GRID1: variants seen among roughly 807,000 people sequenced by gnomAD.
GRID1 encodes the protein glutamate receptor ionotropic, delta-1.
GRID1 carries 28 observed loss-of-function variants against 98.0 expected under a neutral mutation model. That is an observed-to-expected ratio of 0.29 (90% CI 0.21 to 0.39). The LOEUF is 0.39. Among genes scored for constraint, GRID1 ranks in the 10% least tolerant of loss-of-function variants. The pLI, the probability that GRID1 is intolerant of heterozygous loss-of-function variation, is 1.00. For missense variants in GRID1, 1,111 were observed against 1,340.5 expected, an observed-to-expected ratio of 0.83 and a Z score of 2.67; for synonymous variants, 553 against 538.5, an observed-to-expected ratio of 1.03 and a Z score of -0.37.
intron 2 of GRID1, among the ~76,000 whole-genome samples, chr10:86,360,168 A>AT (rs1373861830): frequency 4.6e-5 from 7 of 151,186 alleles, no homozygotes; most frequent in Non-Finnish European, 8.8e-5. Context: ...GTTCCCTTTT[A>AT]TAAAAAAAAA....
intron 8 of GRID1, among the ~76,000 whole-genome samples, chr10:85,846,038 G>A (rs1019761685): frequency 6.6e-6 from 1 of 152,070 alleles, no homozygotes; most frequent in African/African-American, 2.4e-5. Flanking sequence ...AGTGTTGTCT[G>A]TATGTACATG....
At chr10:86,221,389 G>A (rs12355798) in intron 2 of GRID1, among the ~76,000 whole-genome samples, 42,781 of 152,070 alleles carry the variant, frequency 0.28, 6,935 homozygotes, top group Non-Finnish European at 0.38. Context: ...ATTGCCTCCC[G>A]GAAACCCCCC....
intron 2 of GRID1, among the ~76,000 whole-genome samples, chr10:86,207,010 C>T (rs11201941): frequency 2.6e-5 from 4 of 152,330 alleles, no homozygotes; most frequent in Middle Eastern, 3.4e-3. Context: ...TGTTTCCCAC[C>T]TAGGACTATA....
intron 8 of GRID1, among the ~76,000 whole-genome samples, chr10:85,838,934 TAAAG>T (rs1377929324): frequency 1.4e-5 from 2 of 147,078 alleles, no homozygotes; most frequent in Admixed American, 6.8e-5. Flanking sequence ...AGGCTCAAAA[TAAAG>T]AAAGGAAAAA....
At chr10:85,727,648 C>T (rs1354068239) in intron 10 of GRID1, among the ~76,000 whole-genome samples, 1 of 152,072 alleles carries the variant, frequency 6.6e-6, no homozygotes, top group Non-Finnish European at 1.5e-5. Context: ...AGGGAGGTAA[C>T]ATAGAGTGTC....
intron 2 of GRID1, among the ~76,000 whole-genome samples, chr10:86,362,722 C>T (rs1848616699): frequency 6.6e-6 from 1 of 152,366 alleles, no homozygotes; most frequent in African/African-American, 2.4e-5. Flanking sequence ...TCTGACCCCC[C>T]AGACCCAGGC....
intron 12 of GRID1, among the ~76,000 whole-genome samples, chr10:85,695,823 G>A (rs1841386839): frequency 1.3e-5 from 2 of 152,094 alleles, no homozygotes; most frequent in African/African-American, 2.4e-5. Context: ...GAGCTGTAAA[G>A]AGCATGTAAC....
At chr10:86,332,698 C>T (rs984338882) in intron 2 of GRID1, among the ~76,000 whole-genome samples, 7 of 152,174 alleles carry the variant, frequency 4.6e-5, no homozygotes, top group Non-Finnish European at 8.8e-5. Context: ...CACCCCTCTC[C>T]TCCTGAGGCT....
At chr10:85,908,886 A>C (rs1841498262) in intron 5 of GRID1, among the ~76,000 whole-genome samples, 1 of 152,234 alleles carries the variant, frequency 6.6e-6, no homozygotes, top group Non-Finnish European at 1.5e-5. Flanking sequence ...GGCAGTTTTC[A>C]GATACTACAC....
At chr10:86,044,792 G>T (rs1289176619) in intron 4 of GRID1, among the ~76,000 whole-genome samples, 1 of 151,060 alleles carries the variant, frequency 6.6e-6, no homozygotes, top group Non-Finnish European at 1.5e-5. Flanking sequence ...TTTGTTCTTG[G>T]GTAGAACTTG....
chr10:85,908,601 T>C (rs1841493910), intron 5 of GRID1, among the ~76,000 whole-genome samples: 1 of 152,194 alleles, frequency 6.6e-6, no homozygotes, highest in Non-Finnish European at 1.5e-5. Context: ...TTTTATGACA[T>C]CAATTCTCCC....
rs1487272175 is a variant in GRID1 at position 85,916,963 on chromosome 10, T to A, written c.727-724A>T. Among the ~76,000 whole-genome samples the A allele has an allele frequency of 6.6e-6, 1 of 152,206 alleles. No homozygotes were observed. Among genetic ancestry groups the A allele is most frequent in the African/African-American group, 2.4e-5 (1 of 41,458 alleles). On this transcript the variant is annotated intron_variant, in intron 4 of 15. Coordinates refer to ENST00000327946, the MANE Select transcript of GRID1 (RefSeq NM_017551.3). The surrounding 1 kb of genome is among the most constrained non-coding windows in gnomAD (Gnocchi z 4.0). ...CTCCTAGGTCACAGCTGTGTCCCAATAGCTGTAACCAGCACACAGCAGGTA... is the reference window on the plus strand; with the variant it reads ...CTCCTAGGTCACAGCTGTGTCCCAAAAGCTGTAACCAGCACACAGCAGGTA...
intron 3 of GRID1, among the ~76,000 whole-genome samples, chr10:86,159,387 C>A (rs529363476): frequency 7.0e-4 from 107 of 152,318 alleles, no homozygotes; most frequent in African/African-American, 2.5e-3. Flanking sequence ...ACAGTAACAT[C>A]ATTACCTTTT....
At chr10:85,930,698 G>A (rs1425746646) in intron 4 of GRID1, among the ~76,000 whole-genome samples, 2 of 151,996 alleles carry the variant, frequency 1.3e-5, no homozygotes, top group Non-Finnish European at 2.9e-5. Flanking sequence ...TTCACAGTGT[G>A]TAAGTTTTTG....
At chr10:86,242,045 A>G (rs1164048194) in intron 2 of GRID1, among the ~76,000 whole-genome samples, 1 of 152,220 alleles carries the variant, frequency 6.6e-6, no homozygotes, top group African/African-American at 2.4e-5. Context: ...AATGTACACT[A>G]ATTCAATTAC....
chr10:85,749,380 T>C (rs1590215918), intron 8 of GRID1, among the ~76,000 whole-genome samples: 1 of 152,182 alleles, frequency 6.6e-6, no homozygotes, highest in Non-Finnish European at 1.5e-5. Flanking sequence ...AGTCACTGCA[T>C]GGAGAAGACA....
intron 3 of GRID1, among the ~76,000 whole-genome samples, chr10:86,161,818 G>A (rs1351799235): frequency 6.6e-6 from 1 of 152,160 alleles, no homozygotes; most frequent in African/African-American, 2.4e-5. Flanking sequence ...GGCCGGAGGT[G>A]GAGGAATTGA....
chr10:85,680,870 G>A (rs1002692523), intron 12 of GRID1, among the ~76,000 whole-genome samples: 5 of 152,090 alleles, frequency 3.3e-5, no homozygotes, highest in Admixed American at 6.5e-5. Context: ...TATCCTAAGC[G>A]GAATAACTCA....
intron 5 of GRID1, among the ~76,000 whole-genome samples, chr10:85,870,889 G>A: frequency 6.6e-6 from 1 of 152,140 alleles, no homozygotes; most frequent in South Asian, 2.1e-4. Context: ...GAGACAAGGA[G>A]CTCTTGAAAG....
Sources: allele counts gnomAD v4.1 joint callset (sites outside exome capture counted in the v4.1 genomes callset), GRCh38; gene constraint gnomAD v4.1.1; non-coding constraint Gnocchi (gnomAD v3.1); transcripts MANE v1.5; gene names NCBI Gene and HGNC (gene_info 2026-07-23, HGNC 2026-07-21).